CORO2B: variants seen among roughly 807,000 people sequenced by gnomAD.
CORO2B encodes coronin 2B.
A neutral mutation model predicts 58.8 loss-of-function variants in CORO2B; 26 were observed. That is an observed-to-expected ratio of 0.44 (90% CI 0.32 to 0.61). The LOEUF (loss-of-function observed/expected upper bound fraction) is 0.61, where lower values mean the gene tolerates loss of function less well. Among genes scored for constraint, CORO2B ranks in the 20% least tolerant of loss-of-function variants. CORO2B has a pLI of 0.04. For synonymous variants in CORO2B, 242 were observed against 253.8 expected, an observed-to-expected ratio of 0.95 and a Z score of 0.44; for missense variants, 460 against 645.1, an observed-to-expected ratio of 0.71 and a Z score of 3.11.
intron 1 of CORO2B, among the ~76,000 whole-genome samples, chr15:68,629,783 C>T (rs1900776605): frequency 7.6e-6 from 1 of 131,832 alleles, no homozygotes; most frequent in Non-Finnish European, 1.6e-5. Context: ...TGGGACCCAA[C>T]TCGCTGTGGA....
rs555403267 is a variant in CORO2B at position 68,623,816 on chromosome 15, G to A, written c.16-21344G>A. Among the ~76,000 whole-genome samples the A allele has an allele frequency of 2.0e-5, 3 of 152,306 alleles. No homozygotes were observed. In the East Asian group the frequency reaches 5.8e-4, roughly 29 times the overall value. ...TTGCAAAGCATGAGGTTGGAGGCGG[G>A]TGTGTTTGAGCAGCCCCAGCCCCTC... On this transcript the variant is annotated intron_variant, in intron 1 of 11. Transcript: ENST00000261861.
chr15:68,692,672 C>T (rs142368821), intron 2 of CORO2B, among the ~76,000 whole-genome samples: 259 of 146,140 alleles, frequency 1.8e-3, no homozygotes, highest in Non-Finnish European at 2.7e-3. Context: ...CTCACTCTGT[C>T]GCCCAGACTG....
At chr15:68,719,647 T>C (rs1893116081) in intron 11 of CORO2B, 95 bp downstream of exon 11, 1 of 1,385,436 alleles carries the variant, frequency 7.2e-7, no homozygotes, top group African/African-American at 1.5e-5. Context: ...AGTTCCATTC[T>C]GAGACATTTT....
chr15:68,687,752 G>C (rs540139804), intron 2 of CORO2B, among the ~76,000 whole-genome samples: 23 of 152,232 alleles, frequency 1.5e-4, no homozygotes, highest in African/African-American at 5.5e-4. Flanking sequence ...ATCTGGCAAC[G>C]GCCTTCCTGC....
rs1284481396 is a variant in CORO2B, at chr15:68,652,446, G to A, written c.216+7086G>A. On this transcript the variant is annotated intron_variant, in intron 2 of 11. Coordinates refer to ENST00000261861, the MANE Select transcript of CORO2B (RefSeq NM_006091.5). The stretch of plus-strand genomic sequence containing the variant: ...CCCCTTTCCTGCTGCACTTCACCCG[G>A]ACTGCCTGCCACCTCCAGATCCAGG... Among the ~76,000 whole-genome samples the A allele has an allele frequency of 5.3e-5, 8 of 152,284 alleles. No individual in the cohort carries two copies. The East Asian group carries it at 1.5e-3, about 29-fold the overall frequency.
At chr15:68,581,634 G>C (rs1185414085) in intron 1 of CORO2B, among the ~76,000 whole-genome samples, 1 of 152,130 alleles carries the variant, frequency 6.6e-6, no homozygotes, top group African/African-American at 2.4e-5. Flanking sequence ...GCTGAGCCTT[G>C]GTGCAGCTTC....
chr15:68,581,866 C>T (rs2140555709), intron 1 of CORO2B, among the ~76,000 whole-genome samples: 1 of 152,288 alleles, frequency 6.6e-6, no homozygotes, highest in South Asian at 2.1e-4. Flanking sequence ...GCTGCTTCTC[C>T]AGGCAGAGGG....
chr15:68,651,789 A>C (rs1229245241), intron 2 of CORO2B, among the ~76,000 whole-genome samples: 2 of 152,194 alleles, frequency 1.3e-5, no homozygotes, highest in African/African-American at 4.8e-5. Flanking sequence ...CCCTGCCCCG[A>C]GGCCACACCT....
chr15:68,530,303 T>C, the CORO2B span, among the ~76,000 whole-genome samples: 1 of 152,144 alleles, frequency 6.6e-6, no homozygotes, highest in Non-Finnish European at 1.5e-5. Context: ...CCAACCTGGG[T>C]GACAGAGTGA....
At chr15:68,642,471 ATCCCTTTGGC>A (rs1901282714) in intron 1 of CORO2B, among the ~76,000 whole-genome samples, 1 of 152,180 alleles carries the variant, frequency 6.6e-6, no homozygotes, top group Non-Finnish European at 1.5e-5. Context: ...AGAACTTGCC[ATCCCTTTGGC>A]TCCCTGAGCC....
chr15:68,648,005 G>T (rs1340171747), intron 2 of CORO2B, among the ~76,000 whole-genome samples: 1 of 128,884 alleles, frequency 7.8e-6, no homozygotes, highest in Non-Finnish European at 1.6e-5. Context: ...TCCACCCTGG[G>T]CAACGGAGAA....
upstream of CORO2B, chr15:68,578,891 C>A (rs1425427236): frequency 4.0e-5 from 17 of 420,466 alleles, no homozygotes; most frequent in Non-Finnish European, 5.4e-5. The surrounding 1 kb of genome is among the most constrained non-coding windows in gnomAD (Gnocchi z 4.2). Context: ...TGGCGGGCTG[C>A]GCTTCCTCCT....
In CORO2B at chr15:68,711,671, C is replaced by T. The variant is rs758374401; in HGVS notation, c.613C>T (p.Arg205Cys). Reference sequence around the variant, plus strand: ...CACCACGTGCAAGGACAAGAAGCTGCGTGTGATTGAGCCCCGCTCTGGCCG... The same window carrying T: ...CACCACGTGCAAGGACAAGAAGCTGTGTGTGATTGAGCCCCGCTCTGGCCG... The part of the protein sequence containing the change: ...LTTTCKDKKL[R>C]VIEPRSGRVL... Residue 205 changes from arginine (R) to cysteine (C), a missense_variant, in exon 5 of 12, where the codon CGT becomes TGT. Arg to Cys is a radical substitution (Grantham distance 180). Transcript: ENST00000261861. 4 of 1,613,870 alleles carry T rather than the reference C, an allele frequency of 2.5e-6. No homozygotes were observed. The highest frequency in any genetic ancestry group is 2.5e-6 in the Non-Finnish European group (3 of 1,179,968).
rs553363476 is a variant in CORO2B, at chr15:68,666,631, T to C, written c.216+21271T>C. Among the ~76,000 whole-genome samples the C allele has an allele frequency of 7.2e-5, 11 of 152,228 alleles. No individual in the cohort carries two copies. In the South Asian group the frequency reaches 2.3e-3, roughly 32 times the overall value. On this transcript the variant is annotated intron_variant, in intron 2 of 11. Coordinates refer to ENST00000261861, the MANE Select transcript of CORO2B (RefSeq NM_006091.5). ...CTTCCCTCCTCCCCTGAATGAGCTC[T>C]TCCTGGAGAGCGAGGGTGGAGAAAG... is the stretch of plus-strand genomic sequence containing the variant.
chr15:68,565,574 TG>T, the CORO2B span, among the ~76,000 whole-genome samples: 1 of 152,180 alleles, frequency 6.6e-6, no homozygotes, highest in South Asian at 2.1e-4. Context: ...ACATTTTCTC[TG>T]TCTGCATTTC....
chr15:68,530,238 T>C, the CORO2B span, among the ~76,000 whole-genome samples: 1 of 152,172 alleles, frequency 6.6e-6, no homozygotes, highest in Non-Finnish European at 1.5e-5. Flanking sequence ...GGCAGGAGAA[T>C]GGTGTGAAAC....
intron 8 of CORO2B, 133 bp from the exon 9 acceptor site, chr15:68,718,565 C>T: frequency 2.8e-6 from 2 of 717,192 alleles, no homozygotes; most frequent in African/African-American, 1.7e-5. Context: ...CTACCCCCTG[C>T]CCTCTGCATG....
chr15:68,581,973 T>G (rs1204663236), intron 1 of CORO2B, among the ~76,000 whole-genome samples: 1 of 152,136 alleles, frequency 6.6e-6, no homozygotes, highest in East Asian at 1.9e-4. Context: ...GGGTTAGGTA[T>G]GGACTGCAGG....
intron 2 of CORO2B, among the ~76,000 whole-genome samples, chr15:68,648,931 T>C (rs995849625): frequency 6.6e-6 from 1 of 152,248 alleles, no homozygotes; most frequent in African/African-American, 2.4e-5. Flanking sequence ...AGAAATATTC[T>C]CAAGTGTATT....
Sources: allele counts gnomAD v4.1 joint callset (sites outside exome capture counted in the v4.1 genomes callset), GRCh38; gene constraint gnomAD v4.1.1; non-coding constraint Gnocchi (gnomAD v3.1); transcripts MANE v1.5; gene names NCBI Gene and HGNC (gene_info 2026-07-23, HGNC 2026-07-21).